Variants in SEMA3D observed in about 807,000 individuals in gnomAD.
SEMA3D encodes the protein semaphorin 3D.
SEMA3D carries 84 observed loss-of-function variants against 100.1 expected under a neutral mutation model. The observed-to-expected ratio is 0.84, with a 90% confidence interval of 0.70 to 1.01. The LOEUF (loss-of-function observed/expected upper bound fraction) is 1.01. SEMA3D is among the 50% of genes least tolerant of loss of function. The pLI is 0.00. For synonymous variants in SEMA3D, 312 were observed against 320.7 expected, an observed-to-expected ratio of 0.97 and a Z score of 0.29; for missense variants, 875 against 934.1, an observed-to-expected ratio of 0.94 and a Z score of 0.82.
At chr7:85,128,937 G>C (rs1789642811) in intron 2 of SEMA3D, among the ~76,000 whole-genome samples, 1 of 138,016 alleles carries the variant, frequency 7.2e-6, no homozygotes, top group South Asian at 2.2e-4. Context: ...TGTAACTGAA[G>C]CTAGAGTGCA....
the SEMA3D span, among the ~76,000 whole-genome samples, chr7:85,208,256 T>C: frequency 6.6e-6 from 1 of 151,994 alleles, no homozygotes. Flanking sequence ...TATTTAACCA[T>C]TGTATAATAA....
intron 12 of SEMA3D, among the ~76,000 whole-genome samples, chr7:85,032,714 T>C (rs1285406649): frequency 5.3e-5 from 8 of 152,114 alleles, no homozygotes. Context: ...AGCATAGATA[T>C]AACAGTTTAA....
At chr7:85,105,994 T>C (rs1289819990) in intron 3 of SEMA3D, among the ~76,000 whole-genome samples, 1 of 152,086 alleles carries the variant, frequency 6.6e-6, no homozygotes, top group Non-Finnish European at 1.5e-5. Flanking sequence ...TAATCCATCA[T>C]TGTGAGATTT....
intron 9 of SEMA3D, among the ~76,000 whole-genome samples, chr7:85,045,836 C>A (rs925717621): frequency 4.0e-5 from 6 of 151,812 alleles, no homozygotes; most frequent in Admixed American, 3.9e-4. Flanking sequence ...TGATTTAGAT[C>A]TGTTTAAAGT....
the SEMA3D span, among the ~76,000 whole-genome samples, chr7:85,205,744 C>T: frequency 2.0e-5 from 3 of 152,064 alleles, no homozygotes; most frequent in East Asian, 1.9e-4. Flanking sequence ...CTTCTGTCCT[C>T]CAGAACAATA....
At chr7:85,093,311 A>G (rs1402443488) in intron 4 of SEMA3D, among the ~76,000 whole-genome samples, 1 of 151,918 alleles carries the variant, frequency 6.6e-6, no homozygotes. Flanking sequence ...AAACTAATAT[A>G]TTTCTGGCCA....
At position 85,073,089 on chromosome 7, in the gene SEMA3D, G is replaced by A. The variant is rs759585142; in HGVS notation, c.376-8C>T. ...GAAATTTGCACATTCTGTCTGTTGG[G>A]CACAAAAATTAAAAGCATTAACACA... On this transcript the variant is annotated splice_polypyrimidine_tract_variant and splice_region_variant and intron_variant, in intron 5 of 18. Transcript: ENST00000284136. 2 of 1,610,340 alleles carry A rather than the reference G, an allele frequency of 1.2e-6. No homozygotes were observed. The highest frequency in any genetic ancestry group is 1.7e-6 in the Non-Finnish European group (2 of 1,178,842).
chr7:85,115,026 T>A (rs1309830768), intron 3 of SEMA3D, among the ~76,000 whole-genome samples: 1 of 152,260 alleles, frequency 6.6e-6, no homozygotes. Context: ...AATAATCTTT[T>A]TGGCTACCCA....
At chr7:85,057,187 C>T (rs752309811) in intron 8 of SEMA3D, among the ~76,000 whole-genome samples, 2 of 151,988 alleles carry the variant, frequency 1.3e-5, no homozygotes, top group Admixed American at 1.3e-4. Context: ...TTCACTGTAT[C>T]ACTGAAAAAT....
upstream of SEMA3D, among the ~76,000 whole-genome samples, chr7:85,188,525 A>G (rs1362006192): frequency 6.6e-6 from 1 of 152,124 alleles, no homozygotes; most frequent in East Asian, 1.9e-4. Context: ...TTTCATTTGT[A>G]TATGTCATTG....
rs186481943 is a variant in SEMA3D at position 85,107,873 on chromosome 7, T to C, written c.152-9908A>G. Among the ~76,000 whole-genome samples, 67 of 152,140 alleles carry C rather than the reference T, an allele frequency of 4.4e-4. 1 individual carries two copies. In the East Asian group the frequency reaches 0.012, roughly 28 times the overall value. On this transcript the variant is annotated intron_variant, in intron 3 of 18. Transcript: ENST00000284136. ...CTACTGCCCGCCATATTACTACTTCTCTAAATTACTGTAACAGGTTCATAA... is the reference window on the plus strand; with the variant it reads ...CTACTGCCCGCCATATTACTACTTCCCTAAATTACTGTAACAGGTTCATAA...
chr7:85,222,216 G>C, the SEMA3D span, among the ~76,000 whole-genome samples: 1 of 151,824 alleles, frequency 6.6e-6, no homozygotes, highest in African/African-American at 2.4e-5. Flanking sequence ...GTTTTTGAAG[G>C]TGATTTGATA....
chr7:85,006,913 C>A lies in SEMA3D; in HGVS notation c.1797G>T (p.Lys599Asn). ...AGTTAAATTCAATGCCAAAAATCAC[C>A]TTTTCATCAGCAGTTTCATGACTAA... ...DSISHETADE[K>N]VIFGIEFNST... is the part of the protein sequence containing the mutation. Residue 599 changes from lysine to asparagine, a missense_variant, in exon 18 of 19, where the codon AAG becomes AAT. Coordinates refer to ENST00000284136, the MANE Select transcript of SEMA3D (RefSeq NM_001384900.1). The A allele has an allele frequency of 6.2e-7, 1 of 1,610,154 alleles. No individual in the cohort carries two copies. Among genetic ancestry groups the A allele is most frequent in the Non-Finnish European group, 8.5e-7 (1 of 1,177,678 alleles).
chr7:85,090,271 C>A (rs141445745), intron 4 of SEMA3D, among the ~76,000 whole-genome samples: 3 of 152,114 alleles, frequency 2.0e-5, no homozygotes, highest in Non-Finnish European at 4.4e-5. Flanking sequence ...AGAGTTCTGG[C>A]GAGGTCTGAG....
chr7:85,243,285 C>G, the SEMA3D span, among the ~76,000 whole-genome samples: 1 of 151,886 alleles, frequency 6.6e-6, no homozygotes, highest in Non-Finnish European at 1.5e-5. Context: ...ACTTTTTTTT[C>G]TCTGTTATTC....
At chr7:85,241,112 C>G in the SEMA3D span, among the ~76,000 whole-genome samples, 1 of 151,680 alleles carries the variant, frequency 6.6e-6, no homozygotes, top group Middle Eastern at 3.2e-3. Flanking sequence ...AAAACCACAA[C>G]GAAATACCAC....
intron 2 of SEMA3D, among the ~76,000 whole-genome samples, chr7:85,147,292 G>T (rs1162380870): frequency 6.6e-6 from 1 of 151,598 alleles, no homozygotes; most frequent in East Asian, 1.9e-4. Flanking sequence ...AGTAGAGACA[G>T]GTTTTCGCCA....
chr7:85,220,855 G>C, the SEMA3D span, among the ~76,000 whole-genome samples: 1 of 152,142 alleles, frequency 6.6e-6, no homozygotes, highest in East Asian at 1.9e-4. Context: ...AGTTGGTTCA[G>C]GTCAGAGGGG....
rs914848727 is a variant in SEMA3D, at chr7:85,140,534, A to T, written c.-41+13074T>A. On this transcript the variant is annotated intron_variant, in intron 2 of 18. Transcript: ENST00000284136. Reference sequence around the variant, plus strand: ...ACTGTTGATCATAGTCACTTCAAACATCAGCACAAATTTCTGTCCAACATT... The same window carrying T: ...ACTGTTGATCATAGTCACTTCAAACTTCAGCACAAATTTCTGTCCAACATT... 1.9e-5 allele frequency: 19 copies of T among 983,734 alleles called. No individual in the cohort carries two copies. The African/African-American group carries it at 3.1e-4, about 16-fold the overall frequency. The allele number at this position is 983,734 out of a possible 1,614,324, so 60.9% of individuals were successfully genotyped here.
Sources: gnomAD v4.1 joint callset for allele counts (sites outside exome capture counted in the v4.1 genomes callset) on GRCh38, gnomAD v4.1.1 for gene constraint, MANE v1.5 for transcripts, NCBI Gene and HGNC (gene_info 2026-07-23, HGNC 2026-07-21) for gene names.